CASZ1: variants seen among roughly 807,000 people sequenced by gnomAD.
The protein encoded by CASZ1 is castor zinc finger 1.
A neutral mutation model predicts 135.2 loss-of-function variants in CASZ1; 28 were observed. The observed-to-expected ratio is 0.21, with a 90% CI of 0.15 to 0.28. The LOEUF is 0.28. CASZ1 is among the 10% of genes least tolerant of loss of function. The pLI is 1.00. For synonymous variants in CASZ1, 1,068 were observed against 1,073.4 expected (o/e 0.99, Z 0.10); for missense variants, 2,161 against 2,453.3 (o/e 0.88, Z 2.52).
rs529605282 is a variant in CASZ1, at chr1:10,636,800, C to T, written c.*2142G>A. ...TAATCAGAGCACACGCTGTTCAGCT[C>T]GGGTTTCACGTTCTGTATTTTTTTT... On this transcript the variant is annotated 3_prime_UTR_variant, in exon 21 of 21. Coordinates refer to ENST00000377022, the MANE Select transcript of CASZ1 (RefSeq NM_001079843.3). 2.0e-5 allele frequency: 3 copies of T among 152,306 alleles called. No individual in the cohort carries two copies. The highest frequency in any genetic ancestry group is 3.9e-4 in the East Asian group (2 of 5,184). The allele number at this position is 152,306 out of a possible 1,614,324, so 9.4% of individuals were successfully genotyped here. A position where few individuals can be genotyped will look rare whatever the true frequency, so the allele number is the denominator to read the frequency against.
intron 4 of CASZ1, 48 bp from the exon 5 acceptor site, chr1:10,665,619 G>T (rs1209576754): frequency 1.3e-6 from 2 of 1,486,880 alleles, no homozygotes; most frequent in Admixed American, 2.1e-5. Flanking sequence ...GCAAGGCCAA[G>T]AACAACCCAC....
At chr1:10,789,521 CCT>C (rs978878088) in intron 1 of CASZ1, among the ~76,000 whole-genome samples, 3 of 151,650 alleles carry the variant, frequency 2.0e-5, no homozygotes, top group Non-Finnish European at 4.4e-5. Flanking sequence ...GCGACACGTC[CCT>C]GTCTCTCTCT....
rs890337424 is a variant in CASZ1 at position 10,697,264 on chromosome 1, C to T, written c.-23-3352G>A. Among the ~76,000 whole-genome samples, 1 of 151,588 alleles carries T rather than the reference C, an allele frequency of 6.6e-6. No individual in the cohort carries two copies. The highest frequency in any genetic ancestry group is 1.5e-5 in the Non-Finnish European group (1 of 67,904). ...GCGCCCCCCCCTTCTCTCTCTTTCT[C>T]TCTGAGTGTATCTGCTCATACCAAG... is the stretch of plus-strand genomic sequence containing the variant. On this transcript the variant is annotated intron_variant, in intron 3 of 20. Transcript: ENST00000377022. The surrounding 1 kb of genome is among the most constrained non-coding windows in gnomAD (Gnocchi z 4.7).
rs1272380097 is a variant in CASZ1 at position 10,711,782 on chromosome 1, G to A, written c.-76-6238C>T. ...GTGAAGTTCTGATATGGGCTACAAT[G>A]TGGATAGACCTGGAAATGTTGAACG... On this transcript the variant is annotated intron_variant, in intron 2 of 20. Transcript: ENST00000377022. This position sits in a 1 kb window ranked among gnomAD's most constrained non-coding sequence, Gnocchi z 4.4. Among the ~76,000 whole-genome samples the A allele has an allele frequency of 1.3e-5, 2 of 152,134 alleles. No homozygotes were observed. The highest frequency in any genetic ancestry group is 4.8e-5 in the African/African-American group (2 of 41,416).
At chr1:10,778,086 C>T (rs568640543) in intron 1 of CASZ1, among the ~76,000 whole-genome samples, 1 of 152,024 alleles carries the variant, frequency 6.6e-6, no homozygotes, top group African/African-American at 2.4e-5. Flanking sequence ...ATCTCATAGT[C>T]ACACCATCTC....
intron 2 of CASZ1, among the ~76,000 whole-genome samples, chr1:10,716,813 G>A (rs1368484206): frequency 3.9e-5 from 6 of 152,236 alleles, no homozygotes; most frequent in African/African-American, 1.4e-4. Context: ...TGAGCATGGA[G>A]TCAGTCCATC....
chr1:10,705,697 A>G lies in CASZ1; in HGVS notation c.-76-153T>C, dbSNP rs80137214. 7.9e-3 allele frequency: 1,206 copies of G among 152,402 alleles called. 55 individuals carry two copies. In the East Asian group the frequency reaches 0.13, roughly 16 times the overall value. The allele number at this position is 152,402 out of a possible 1,614,324, so 9.4% of individuals were successfully genotyped here. On this transcript the variant is annotated intron_variant, in intron 2 of 20. Transcript: ENST00000377022. ...GGCCAGCCAAGAGGGCCAGAAACTC[A>G]GGCATGCCGGGTGGGCTCTGATTTG...
Position 10,660,220 on chromosome 1 carries a change from G to A in CASZ1, c.822C>T (p.Pro274=), listed in dbSNP as rs766354566. The A allele has an allele frequency of 1.6e-5, 25 of 1,612,806 alleles. No individual in the cohort carries two copies. Among genetic ancestry groups the A allele is most frequent in the African/African-American group, 4.0e-5 (3 of 74,918 alleles). ...CCGTGCTGCTGGGCAGCCGCAGGCC[G>A]GGCAGGGTGCCCACCACCTCCTTGC... ...RVGKEVVGTL[P]GLRLPSSTAH... Residue 274 remains proline (P), a synonymous_variant, in exon 6 of 21, where the codon CCC becomes CCT. Transcript: ENST00000377022.
intron 4 of CASZ1, among the ~76,000 whole-genome samples, chr1:10,686,336 TC>T (rs1211054882): frequency 6.6e-6 from 1 of 151,730 alleles, no homozygotes; most frequent in Non-Finnish European, 1.5e-5. Context: ...TCAGAAATCA[TC>T]CCCCGCCCCT....
intron 1 of CASZ1, among the ~76,000 whole-genome samples, chr1:10,772,228 C>T (rs557654399): frequency 2.0e-5 from 3 of 152,188 alleles, no homozygotes; most frequent in Admixed American, 6.5e-5. Context: ...AGAGAGAAGC[C>T]GAAATTAGAA....
intron 2 of CASZ1, among the ~76,000 whole-genome samples, chr1:10,751,902 A>C (rs113920758): frequency 0.026 from 3,892 of 152,294 alleles, 180 homozygotes; most frequent in African/African-American, 0.087. Flanking sequence ...CCTTGGCTGC[A>C]GGAGGCTGGA....
intron 2 of CASZ1, among the ~76,000 whole-genome samples, chr1:10,710,556 G>A (rs759358937): frequency 6.6e-6 from 1 of 152,230 alleles, no homozygotes; most frequent in Non-Finnish European, 1.5e-5. Context: ...AAAGGAGTCA[G>A]CAAGAAGATT....
At chr1:10,716,269 C>G (rs1439314567) in intron 2 of CASZ1, among the ~76,000 whole-genome samples, 2 of 152,044 alleles carry the variant, frequency 1.3e-5, no homozygotes, top group Non-Finnish European at 2.9e-5. Context: ...ATCCCCACCC[C>G]ACAGCACCCA....
chr1:10,766,702 G>GTAGAAGAGGAAAACGA (rs1553141576), intron 1 of CASZ1, among the ~76,000 whole-genome samples: 1 of 152,250 alleles, frequency 6.6e-6, no homozygotes, highest in East Asian at 1.9e-4. Flanking sequence ...CCCTGCCACA[G>GTAGAAGAGGAAAACGA]TAGAAGAGGA....
At chr1:10,785,201 T>C (rs1640838962) in intron 1 of CASZ1, among the ~76,000 whole-genome samples, 3 of 73,324 alleles carry the variant, frequency 4.1e-5, no homozygotes, top group Non-Finnish European at 3.6e-5. Flanking sequence ...CTTCCCTTTC[T>C]TTCTCTTTTC....
chr1:10,671,120 C>A (rs569970126), intron 4 of CASZ1, among the ~76,000 whole-genome samples: 23 of 152,306 alleles, frequency 1.5e-4, no homozygotes, highest in Non-Finnish European at 2.2e-4. Context: ...AAAAGGTTCG[C>A]TATCCAGACG....
chr1:10,763,699 C>T (rs746740724), intron 1 of CASZ1, among the ~76,000 whole-genome samples: 4 of 152,170 alleles, frequency 2.6e-5, no homozygotes, highest in African/African-American at 7.2e-5. Flanking sequence ...GGGCAGAGAG[C>T]GGGTCCTAAT....
At chr1:10,795,234 C>G (rs1191528662) in intron 1 of CASZ1, among the ~76,000 whole-genome samples, 2 of 151,884 alleles carry the variant, frequency 1.3e-5, no homozygotes, top group Non-Finnish European at 2.9e-5. Context: ...TCCCCGCTCC[C>G]CGACGCTCCT....
At chr1:10,761,750 C>T (rs996032614) in intron 1 of CASZ1, among the ~76,000 whole-genome samples, 2 of 152,190 alleles carry the variant, frequency 1.3e-5, no homozygotes, top group African/African-American at 4.8e-5. Context: ...CATGCGCGTG[C>T]AAACACAAAC....
Sources: allele counts gnomAD v4.1 joint callset (sites outside exome capture counted in the v4.1 genomes callset), GRCh38; gene constraint gnomAD v4.1.1; non-coding constraint Gnocchi (gnomAD v3.1); transcripts MANE v1.5; gene names NCBI Gene and HGNC (gene_info 2026-07-23, HGNC 2026-07-21).